Variants in SHISA9 observed in about 807,000 individuals in gnomAD.
SHISA9 encodes the protein shisa family member 9.
SHISA9 carries 13 observed loss-of-function variants against 38.0 expected under a neutral mutation model. The observed-to-expected ratio is 0.34, with a 90% confidence interval of 0.22 to 0.54. The LOEUF (loss-of-function observed/expected upper bound fraction) is 0.54. Ranked by LOEUF, SHISA9 falls within the 20% of genes least tolerant of loss-of-function variation. The pLI, the probability that SHISA9 is intolerant of heterozygous loss-of-function variation, is 0.91. For missense variants in SHISA9, 538 were observed against 575.8 expected (o/e 0.93, Z 0.67); for synonymous variants, 275 against 242.0 (o/e 1.14, Z -1.27).
chr16:13,011,318 C>T (rs1351637080), intron 2 of SHISA9, among the ~76,000 whole-genome samples: 2 of 131,152 alleles, frequency 1.5e-5, no homozygotes, highest in African/African-American at 2.8e-5. Flanking sequence ...TATTAGCACT[C>T]ATTTTTTTTT....
chr16:13,169,047 T>C (rs1247266704), intron 2 of SHISA9, among the ~76,000 whole-genome samples: 1 of 152,192 alleles, frequency 6.6e-6, no homozygotes, highest in Non-Finnish European at 1.5e-5. Flanking sequence ...CAGCTTTTGC[T>C]TTTGGATTTC....
intron 2 of SHISA9, among the ~76,000 whole-genome samples, chr16:12,978,076 G>A (rs1485262872): frequency 6.6e-6 from 1 of 152,164 alleles, no homozygotes; most frequent in Non-Finnish European, 1.5e-5. Context: ...ACTAGTTGGT[G>A]CAAAGACAGG....
chr16:12,976,486 G>A (rs1481912038), intron 2 of SHISA9, among the ~76,000 whole-genome samples: 1 of 152,120 alleles, frequency 6.6e-6, no homozygotes, highest in Non-Finnish European at 1.5e-5. Flanking sequence ...TGAAAGGTTT[G>A]AGACTGAGCA....
At chr16:13,246,788 A>T in the SHISA9 span, among the ~76,000 whole-genome samples, 1 of 152,080 alleles carries the variant, frequency 6.6e-6, no homozygotes, top group East Asian at 1.9e-4. Flanking sequence ...TATCTGTTAG[A>T]GTAGCTAGAA....
chr16:13,313,262 A>AAAAAC, the SHISA9 span, among the ~76,000 whole-genome samples: 1 of 140,696 alleles, frequency 7.1e-6, no homozygotes. Flanking sequence ...CTCAAAAAAA[A>AAAAAC]AAAAAAAAAA....
At chr16:13,398,836 C>G in the SHISA9 span, among the ~76,000 whole-genome samples, 175 of 152,240 alleles carry the variant, frequency 1.1e-3, no homozygotes, top group African/African-American at 4.0e-3. Flanking sequence ...TAACTCAACT[C>G]TAACACAGTA....
chr16:12,951,429 T>G (rs188205769), intron 2 of SHISA9, among the ~76,000 whole-genome samples: 4 of 152,210 alleles, frequency 2.6e-5, no homozygotes, highest in Admixed American at 2.0e-4. Flanking sequence ...TTGTAGTGAC[T>G]CCACTCTGCA....
chr16:13,550,993 G>T, the SHISA9 span, among the ~76,000 whole-genome samples: 1 of 152,004 alleles, frequency 6.6e-6, no homozygotes, highest in South Asian at 2.1e-4. Context: ...CATGTTGGTG[G>T]GTGCCTGTAA....
At chr16:13,411,041 T>A in the SHISA9 span, among the ~76,000 whole-genome samples, 1 of 152,282 alleles carries the variant, frequency 6.6e-6, no homozygotes, top group East Asian at 1.9e-4. Context: ...TCTAGGTGAT[T>A]CATACTAATG....
At chr16:13,425,127 C>T in the SHISA9 span, among the ~76,000 whole-genome samples, 1 of 152,302 alleles carries the variant, frequency 6.6e-6, no homozygotes, top group African/African-American at 2.4e-5. Context: ...CACATGTTCC[C>T]GCTTATAGGT....
chr16:13,395,387 A>T, the SHISA9 span, among the ~76,000 whole-genome samples: 5 of 152,250 alleles, frequency 3.3e-5, no homozygotes, highest in African/African-American at 9.6e-5. Context: ...ATGATAGCCC[A>T]TAGGGCAAGA....
At chr16:13,540,467 G>T in the SHISA9 span, among the ~76,000 whole-genome samples, 1 of 152,168 alleles carries the variant, frequency 6.6e-6, no homozygotes, top group African/African-American at 2.4e-5. Flanking sequence ...GAGGTTTAGG[G>T]CCTACACTGT....
chr16:13,454,415 A>G, the SHISA9 span, among the ~76,000 whole-genome samples: 1 of 152,180 alleles, frequency 6.6e-6, no homozygotes, highest in Non-Finnish European at 1.5e-5. Context: ...ACACGCATGG[A>G]TCCTCTTGTC....
intron 2 of SHISA9, among the ~76,000 whole-genome samples, chr16:12,997,519 A>G (rs1391609877): frequency 6.7e-6 from 1 of 149,712 alleles, no homozygotes; most frequent in East Asian, 2.0e-4. Flanking sequence ...CAATTCTCCC[A>G]CCTTAGCCTC....
At chr16:13,055,252 A>G (rs530748768) in intron 2 of SHISA9, among the ~76,000 whole-genome samples, 1 of 152,320 alleles carries the variant, frequency 6.6e-6, no homozygotes, top group Admixed American at 6.5e-5. Context: ...TGATTTTCCC[A>G]AGACCATGCT....
intron 2 of SHISA9, among the ~76,000 whole-genome samples, chr16:13,185,498 C>G (rs1257354558): frequency 6.6e-6 from 1 of 152,292 alleles, no homozygotes; most frequent in Non-Finnish European, 1.5e-5. Context: ...ACTGCCAAGC[C>G]TGGGCCATTT....
chr16:12,907,644 G>A (rs77477582), intron 1 of SHISA9, among the ~76,000 whole-genome samples: 431 of 152,124 alleles, frequency 2.8e-3, no homozygotes, highest in Admixed American at 7.0e-3. Flanking sequence ...TTTGCACATC[G>A]GGACCCAGCT....
chr16:12,976,277 G>A (rs1006785652), intron 2 of SHISA9, among the ~76,000 whole-genome samples: 1 of 152,068 alleles, frequency 6.6e-6, no homozygotes, highest in African/African-American at 2.4e-5. Flanking sequence ...TTTTAGTAGA[G>A]ACAGGGTTTC....
chr16:12,976,829 G>A (rs1396664966), intron 2 of SHISA9, among the ~76,000 whole-genome samples: 1 of 152,144 alleles, frequency 6.6e-6, no homozygotes, highest in Non-Finnish European at 1.5e-5. Context: ...CAGAGGAAAT[G>A]AAACAGCATG....
Sources: gnomAD v4.1 joint callset for allele counts (sites outside exome capture counted in the v4.1 genomes callset) on GRCh38, gnomAD v4.1.1 for gene constraint, MANE v1.5 for transcripts, NCBI Gene and HGNC (gene_info 2026-07-23, HGNC 2026-07-21) for gene names.